The following TNKS variants were observed in gnomAD, a reference collection of about 807,000 sequenced individuals.
The protein encoded by TNKS is tankyrase, also known as poly [ADP-ribose] polymerase tankyrase-1.
In TNKS, 72 loss-of-function variants were observed where a neutral mutation model predicts 135.8. That is an observed-to-expected ratio of 0.53 (90% CI 0.44 to 0.64). TNKS has a LOEUF of 0.64. Among genes scored for constraint, TNKS ranks in the 30% least tolerant of loss-of-function variants. The pLI, the probability that TNKS is intolerant of heterozygous loss-of-function variation, is 0.00. For missense variants in TNKS, 1,769 were observed against 1,674.0 expected, an observed-to-expected ratio of 1.06 and a Z score of -0.99; for synonymous variants, 849 against 649.3, an observed-to-expected ratio of 1.31 and a Z score of -4.68.
chr8:9,761,451 G>C, intron 20 of TNKS, 65 bp from the exon 21 acceptor site: 1 of 1,550,870 alleles, frequency 6.4e-7, no homozygotes, highest in Non-Finnish European at 8.8e-7. Flanking sequence ...GAAGGCAATT[G>C]GAAAAGCTTT....
At chr8:9,575,242 A>G in intron 1 of TNKS, 1 of 478,632 alleles carries the variant, frequency 2.1e-6, no homozygotes, top group Non-Finnish European at 2.7e-6. Flanking sequence ...GCCCGCCACC[A>G]CGCAGGGCTA....
chr8:9,698,406 G>A (rs1228225791), intron 5 of TNKS, among the ~76,000 whole-genome samples: 19 of 115,070 alleles, frequency 1.7e-4, no homozygotes, highest in Admixed American at 1.6e-3. Context: ...AAGTATATAA[G>A]CAACTTAATA....
intron 17 of TNKS, among the ~76,000 whole-genome samples, chr8:9,746,881 CTTTTTTTT>C (rs10672387): frequency 8.5e-6 from 1 of 117,230 alleles, no homozygotes; most frequent in Non-Finnish European, 1.6e-5. Flanking sequence ...CCTACTTAAA[CTTTTTTTT>C]TTTTTTTTTT....
chr8:9,635,084 G>A (rs1171767715), intron 3 of TNKS, among the ~76,000 whole-genome samples: 3 of 152,108 alleles, frequency 2.0e-5, no homozygotes, highest in Non-Finnish European at 2.9e-5. Context: ...GCCGGAGACT[G>A]GCGTAAACCC....
chr8:9,660,491 T>C (rs1801642463), intron 3 of TNKS, among the ~76,000 whole-genome samples: 1 of 152,174 alleles, frequency 6.6e-6, no homozygotes, highest in South Asian at 2.1e-4. Flanking sequence ...AAAAACCACA[T>C]GATTATCTCA....
In TNKS at chr8:9,778,769, A is replaced by T. The variant is rs1808342245; in HGVS notation, c.*2033A>T. On this transcript the variant is annotated 3_prime_UTR_variant, in exon 27 of 27. Coordinates refer to ENST00000310430, the MANE Select transcript of TNKS (RefSeq NM_003747.3). ...TTTCAGTAGCTGTCAAGTGTGTCTT[A>T]CTTACCTTCCCCCAGACGTAGTTTA... 6.6e-6 allele frequency: 1 copy of T among 152,298 alleles called. No homozygotes were observed. The highest frequency in any genetic ancestry group is 1.5e-5 in the Non-Finnish European group (1 of 68,034). 9.4% of individuals were successfully genotyped at this position (152,298 alleles called of 1,614,324 possible). A position where few individuals can be genotyped will look rare whatever the true frequency, so the allele number is the denominator to read the frequency against.
intron 3 of TNKS, among the ~76,000 whole-genome samples, chr8:9,659,337 A>C (rs1801582509): frequency 6.6e-6 from 1 of 152,254 alleles, no homozygotes; most frequent in Admixed American, 6.5e-5. Context: ...AGTTGGAAGT[A>C]AAACACTCCT....
At chr8:9,566,249 C>T (rs1046360408) in intron 1 of TNKS, 5 of 152,052 alleles carry the variant, frequency 3.3e-5, no homozygotes, top group Non-Finnish European at 5.9e-5. Flanking sequence ...TTATGTTTTT[C>T]TTCTTTGCAG....
At chr8:9,656,929 G>A (rs1481924472) in intron 3 of TNKS, among the ~76,000 whole-genome samples, 2 of 126,016 alleles carry the variant, frequency 1.6e-5, no homozygotes, top group Non-Finnish European at 3.4e-5. Flanking sequence ...GAGAGCACAG[G>A]GTTGGGGGTA....
chr8:9,742,427 CAGTT>C (rs1394765211), intron 17 of TNKS, among the ~76,000 whole-genome samples: 1 of 151,176 alleles, frequency 6.6e-6, no homozygotes, highest in Non-Finnish European at 1.5e-5. Flanking sequence ...CAGTGACTCT[CAGTT>C]GGTATTTTCC....
rs561576806 is a variant in TNKS, at chr8:9,755,056, A to G, written c.3153+2430A>G. ...CACATCTTTGCTAAATAAACCAAAGACCTTAACTCAAACAAATAATTCCAA... is the reference window on the plus strand; with the variant it reads ...CACATCTTTGCTAAATAAACCAAAGGCCTTAACTCAAACAAATAATTCCAA... On this transcript the variant is annotated intron_variant, in intron 20 of 26. Transcript: ENST00000310430. 1.3e-3 allele frequency among the ~76,000 whole-genome samples: 202 copies of G among 152,312 alleles called. 2 individuals carry two copies. The East Asian group carries it at 0.029, about 22-fold the overall frequency.
Position 9,777,082 on chromosome 8 carries a change from A to C in TNKS, c.*346A>C, listed in dbSNP as rs1808259623. The C allele has an allele frequency of 4.0e-6, 1 of 251,890 alleles. No homozygotes were observed. The highest frequency in any genetic ancestry group is 7.7e-6 in the Non-Finnish European group (1 of 129,106). 15.6% of individuals were successfully genotyped at this position (251,890 alleles called of 1,614,324 possible). A position where few individuals can be genotyped will look rare whatever the true frequency, so the allele number is the denominator to read the frequency against. ...TTCAAATGTTCACAATTCACACACT[A>C]CATTTGTTTTGTTATGCATGACGTG... On this transcript the variant is annotated 3_prime_UTR_variant, in exon 27 of 27. Transcript: ENST00000310430.
chr8:9,711,744 A>C (rs750746695), intron 11 of TNKS, among the ~76,000 whole-genome samples: 1 of 152,196 alleles, frequency 6.6e-6, no homozygotes, highest in Non-Finnish European at 1.5e-5. Context: ...TGATAAAATA[A>C]CTGCTTTTTT....
intron 18 of TNKS, among the ~76,000 whole-genome samples, chr8:9,750,767 C>T (rs749250634): frequency 1.3e-5 from 2 of 152,214 alleles, no homozygotes; most frequent in African/African-American, 2.4e-5. Flanking sequence ...ATTTCTCACA[C>T]GTCTGGGAGT....
intron 2 of TNKS, among the ~76,000 whole-genome samples, chr8:9,598,703 A>ATG (rs1491150725): frequency 8.9e-6 from 1 of 112,806 alleles, no homozygotes; most frequent in African/African-American, 3.7e-5. Context: ...CTTGTCTAAA[A>ATG]TATGTGTGTG....
At chr8:9,643,093 C>T (rs1178826987) in intron 3 of TNKS, among the ~76,000 whole-genome samples, 2 of 145,854 alleles carry the variant, frequency 1.4e-5, no homozygotes, top group Admixed American at 1.4e-4. Context: ...TTTATAAAAG[C>T]TTGAGAAGTC....
At chr8:9,578,787 T>A (rs1798053567) in intron 1 of TNKS, among the ~76,000 whole-genome samples, 1 of 152,220 alleles carries the variant, frequency 6.6e-6, no homozygotes, top group South Asian at 2.1e-4. Flanking sequence ...GAGGTAGTGA[T>A]ACCTAGTTAA....
intron 3 of TNKS, among the ~76,000 whole-genome samples, chr8:9,623,438 T>G (rs79053749): frequency 9.2e-6 from 1 of 108,460 alleles, no homozygotes; most frequent in East Asian, 3.9e-4. Context: ...AACACACTTT[T>G]TTTTTTTTTT....
At chr8:9,757,030 G>A (rs1806869783) in intron 20 of TNKS, among the ~76,000 whole-genome samples, 2 of 152,118 alleles carry the variant, frequency 1.3e-5, no homozygotes, top group African/African-American at 4.8e-5. Flanking sequence ...AGGCTGGAGT[G>A]CAGTGGCGTG....
Sources: allele counts gnomAD v4.1 joint callset (sites outside exome capture counted in the v4.1 genomes callset), GRCh38; gene constraint gnomAD v4.1.1; transcripts MANE v1.5; gene names NCBI Gene and HGNC (gene_info 2026-07-23, HGNC 2026-07-21).